LMNA: variants seen among roughly 807,000 people sequenced by gnomAD.
The protein encoded by LMNA is lamin.
LMNA carries 20 observed loss-of-function variants against 70.4 expected under a neutral mutation model. That is an observed-to-expected ratio of 0.28 (90% CI 0.20 to 0.41). LMNA has a LOEUF of 0.41. Ranked by LOEUF, LMNA falls within the 10% of genes least tolerant of loss-of-function variation. The pLI is 1.00. For missense variants in LMNA, 652 were observed against 917.2 expected, an observed-to-expected ratio of 0.71 and a Z score of 3.73; for synonymous variants, 339 against 372.8, an observed-to-expected ratio of 0.91 and a Z score of 1.04.
chr1:156,111,032 G>A (rs1649520279), upstream of LMNA, among the ~76,000 whole-genome samples: 1 of 152,138 alleles, frequency 6.6e-6, no homozygotes, highest in South Asian at 2.1e-4. Context: ...GGAGACAGAT[G>A]ACCAAGACTT....
At position 156,138,819 on chromosome 1, in the gene LMNA, G is replaced by C; in HGVS notation, c.1968+62G>C. Reference sequence around the variant, plus strand: ...CGGGTCCCTGGTCATCGAGGGGTAGGACGAGGTGGCCTTGCAGGGGGGAGA... The same window carrying C: ...CGGGTCCCTGGTCATCGAGGGGTAGCACGAGGTGGCCTTGCAGGGGGGAGA... On this transcript the variant is annotated intron_variant, in intron 11 of 11. Transcript: ENST00000368300. The surrounding 1 kb of genome is among the most constrained non-coding windows in gnomAD (Gnocchi z 5.5). 4 of 1,606,176 alleles carry C rather than the reference G, an allele frequency of 2.5e-6. No homozygotes were observed. The highest frequency in any genetic ancestry group is 3.4e-6 in the Non-Finnish European group (4 of 1,175,094).
rs1280862380 is a variant in LMNA, at chr1:156,114,837, G to A, written c.-82G>A. 9 of 977,860 alleles carry A rather than the reference G, an allele frequency of 9.2e-6. No homozygotes were observed. The Admixed American group carries it at 2.0e-4, about 22-fold the overall frequency. 60.6% of individuals were successfully genotyped at this position (977,860 alleles called of 1,614,324 possible). ...CAGCCGGCCGGCGCACTCCGACTCC[G>A]AGCAGTCTCTGTCCTTCGACCCGAG... On this transcript the variant is annotated 5_prime_UTR_variant, in exon 1 of 12. Transcript: ENST00000368300.
intron 3 of LMNA, among the ~76,000 whole-genome samples, chr1:156,094,823 G>A (rs1255652247): frequency 6.7e-6 from 1 of 149,854 alleles, no homozygotes; most frequent in Non-Finnish European, 1.5e-5. Context: ...GCAGTGGCAT[G>A]ATCTCGGCTC....
exon 2 of LMNA, chr1:156,082,962 C>A (rs1159430798): frequency 6.6e-6 from 1 of 151,892 alleles, no homozygotes; most frequent in Non-Finnish European, 1.5e-5. Flanking sequence ...GATCCCGGAG[C>A]CCGGCCGCGG....
chr1:156,088,646 T>C (rs1648574449), intron 2 of LMNA, among the ~76,000 whole-genome samples: 1 of 152,212 alleles, frequency 6.6e-6, no homozygotes, highest in Non-Finnish European at 1.5e-5. Context: ...AATTTATTTT[T>C]ATTTTATTTT....
chr1:156,139,007 T>C (rs1651900047), intron 11 of LMNA, 73 bp from the exon 12 acceptor site: 4 of 1,527,740 alleles, frequency 2.6e-6, no homozygotes, highest in Middle Eastern at 1.7e-4. Context: ...ACCTCCCTTC[T>C]AGGGGCCAGG....
In LMNA at chr1:156,138,965, A is replaced by G; in HGVS notation, c.1969-115A>G. 7.4e-7 allele frequency: 1 copy of G among 1,345,130 alleles called. No homozygotes were observed. Among genetic ancestry groups the G allele is most frequent in the Non-Finnish European group, 1.1e-6 (1 of 938,952 alleles). The allele number at this position is 1,345,130 out of a possible 1,614,324, so 83.3% of individuals were successfully genotyped here. On this transcript the variant is annotated intron_variant, in intron 11 of 11. Transcript: ENST00000368300. This position sits in a 1 kb window ranked among gnomAD's most constrained non-coding sequence, Gnocchi z 5.5. ...GAGCCCCAGACTGGAGGGCAGGGGC[A>G]GGGCTGGAGTGTGAGGGATGGGGGA...
At position 156,137,829 on chromosome 1, in the gene LMNA, C is replaced by T; in HGVS notation, c.1698+86C>T. 1 of 1,540,856 alleles carries T rather than the reference C, an allele frequency of 6.5e-7. No homozygotes were observed. The highest frequency in any genetic ancestry group is 8.7e-7 in the Non-Finnish European group (1 of 1,145,020). On this transcript the variant is annotated intron_variant, in intron 10 of 11. Transcript: ENST00000368300. The surrounding 1 kb of genome is among the most constrained non-coding windows in gnomAD (Gnocchi z 4.6). ...GCAGCCTCTCCCCAGCCTCCCCGTG[C>T]CAAAAATCTTTTCATTAAAGAATGT...
At chr1:156,112,767 A>G (rs1649587676), upstream of LMNA, among the ~76,000 whole-genome samples, 2 of 152,262 alleles carry the variant, frequency 1.3e-5, no homozygotes, top group Non-Finnish European at 2.9e-5. Flanking sequence ...TTCCTGCCTT[A>G]ATCCCACTCC....
chr1:156,086,531 G>A (rs1207160035), intron 2 of LMNA, among the ~76,000 whole-genome samples: 1 of 152,234 alleles, frequency 6.6e-6, no homozygotes, highest in African/African-American at 2.4e-5. Flanking sequence ...CTGCAGGGCA[G>A]GAAAGGTGAC....
At chr1:156,101,632 A>AAGGAAGGG (rs1296720384) in intron 3 of LMNA, among the ~76,000 whole-genome samples, 2 of 81,414 alleles carry the variant, frequency 2.5e-5, no homozygotes, top group Admixed American at 2.5e-4. Flanking sequence ...GGACGGAAGG[A>AAGGAAGGG]AGGAAGGGAG....
In LMNA at chr1:156,136,071, G is replaced by A. The variant is rs1651571553; in HGVS notation, c.1107G>A (p.Leu369=). Residue 369 remains leucine, a synonymous_variant, in exon 6 of 12, where the codon CTG becomes CTA. Coordinates refer to ENST00000368300, the MANE Select transcript of LMNA (RefSeq NM_170707.4). This position sits in a 1 kb window ranked among gnomAD's most constrained non-coding sequence, Gnocchi z 6.1. Reference sequence around the variant, plus strand: ...AGCTTCTGGACATCAAGCTGGCCCTGGACATGGAGATCCACGCCTACCGCA... The same window carrying A: ...AGCTTCTGGACATCAAGCTGGCCCTAGACATGGAGATCCACGCCTACCGCA... ...YQELLDIKLA[L]DMEIHAYRKL... is the part of the protein sequence containing the mutation. 6.2e-7 allele frequency: 1 copy of A among 1,614,010 alleles called. No homozygotes were observed. Among genetic ancestry groups the A allele is most frequent in the Non-Finnish European group, 8.5e-7 (1 of 1,180,058 alleles).
chr1:156,135,346 C>T lies in LMNA; in HGVS notation c.936+34C>T. 4 of 1,568,290 alleles carry T rather than the reference C, an allele frequency of 2.6e-6. No individual in the cohort carries two copies. The highest frequency in any genetic ancestry group is 2.4e-5 in the East Asian group (1 of 41,886). On this transcript the variant is annotated intron_variant, in intron 5 of 11. Transcript: ENST00000368300. This position sits in a 1 kb window ranked among gnomAD's most constrained non-coding sequence, Gnocchi z 4.8. ...CCACCTCACCCCTCTCTCCAGGGGC[C>T]TAGAGTCTGGGCCGGATGCAGGCTG...
chr1:156,122,603 C>T (rs774808911), intron 1 of LMNA, among the ~76,000 whole-genome samples: 1 of 152,178 alleles, frequency 6.6e-6, no homozygotes, highest in Non-Finnish European at 1.5e-5. Context: ...AACTCGTTTT[C>T]GATGCCTCTC....
At chr1:156,126,950 G>A in intron 1 of LMNA, 1 of 1,537,890 alleles carries the variant, frequency 6.5e-7, no homozygotes, top group Non-Finnish European at 8.8e-7. Flanking sequence ...CCCTGCCCGG[G>A]TATTGTGTGC....
Position 156,134,419 on chromosome 1 carries a change from G to T in LMNA, c.530G>T (p.Gly177Val). ...GQVAKLEAAL[G>V]EAKKQLQDEM... Reference sequence around the variant, plus strand: ...TCCTCACAGCTTGAGGCAGCCCTAGGTGAGGCCAAGAAGCAACTTCAGGAT... The same window carrying T: ...TCCTCACAGCTTGAGGCAGCCCTAGTTGAGGCCAAGAAGCAACTTCAGGAT... Residue 177 changes from glycine (G) to valine (V), a missense_variant, in exon 3 of 12, where the codon GGT becomes GTT. Gly to Val is a moderately radical substitution (Grantham distance 109, BLOSUM62 -3). Around this residue, in one of 4 missense-constraint regions of LMNA, gnomAD observed 254 missense variants for 421.9 expected, o/e 0.60. Coordinates refer to ENST00000368300, the MANE Select transcript of LMNA (RefSeq NM_170707.4). This position sits in a 1 kb window ranked among gnomAD's most constrained non-coding sequence, Gnocchi z 5.3. 1 of 1,614,100 alleles carries T rather than the reference G, an allele frequency of 6.2e-7. No individual in the cohort carries two copies. The highest frequency in any genetic ancestry group is 1.3e-5 in the African/African-American group (1 of 75,038).
chr1:156,137,733 A>G lies in LMNA; in HGVS notation c.1688A>G (p.His563Arg), dbSNP rs1651792356. 1 of 1,551,010 alleles carries G rather than the reference A, an allele frequency of 6.4e-7. No individual in the cohort carries two copies. Among genetic ancestry groups the G allele is most frequent in the East Asian group, 2.4e-5 (1 of 41,226 alleles). ...GATGAGGATGGAGATGACCTGCTCC[A>G]TCACCACCACGTGAGTGGTAGCCGC... ...DEDEDGDDLL[H>R]HHHGSHCSSS... is the part of the protein sequence containing the mutation. Residue 563 changes from histidine to arginine, a missense_variant, in exon 10 of 12, where the codon CAT becomes CGT. Coordinates refer to ENST00000368300, the MANE Select transcript of LMNA (RefSeq NM_170707.4). The surrounding 1 kb of genome is among the most constrained non-coding windows in gnomAD (Gnocchi z 4.6).
chr1:156,138,606 A>G lies in LMNA; in HGVS notation c.1817A>G (p.Gln606Arg), dbSNP rs1651866656. 1.2e-6 allele frequency: 2 copies of G among 1,613,034 alleles called. No homozygotes were observed. Among genetic ancestry groups the G allele is most frequent in the South Asian group, 1.1e-5 (1 of 90,974 alleles). The change falls in exon 11 of 12, where the codon CAG becomes CGG. Residue 606 changes from glutamine to arginine, a missense_variant. Coordinates refer to ENST00000368300, the MANE Select transcript of LMNA (RefSeq NM_170707.4). This position sits in a 1 kb window ranked among gnomAD's most constrained non-coding sequence, Gnocchi z 5.5. ...GCATCTGCCAGCGGCTCAGGAGCCC[A>G]GGTGGGCGGACCCATCTCCTCTGGC... is the stretch of plus-strand genomic sequence containing the variant. ...DKASASGSGA[Q>R]VGGPISSGSS...
chr1:156,136,863 T>C lies in LMNA; in HGVS notation c.1381-58T>C. 1 of 1,439,772 alleles carries C rather than the reference T, an allele frequency of 6.9e-7. No individual in the cohort carries two copies. The highest frequency in any genetic ancestry group is 9.6e-7 in the Non-Finnish European group (1 of 1,038,970). 89.2% of individuals were successfully genotyped at this position (1,439,772 alleles called of 1,614,324 possible). ...CAGAGGGCTGGGCCTTTGAGCAAGA[T>C]ACACCCAAGAGCCTGGGTGAGCCTC... On this transcript the variant is annotated intron_variant, in intron 7 of 11. Coordinates refer to ENST00000368300, the MANE Select transcript of LMNA (RefSeq NM_170707.4). The surrounding 1 kb of genome is among the most constrained non-coding windows in gnomAD (Gnocchi z 6.1).
Sources: allele counts gnomAD v4.1 joint callset (sites outside exome capture counted in the v4.1 genomes callset), GRCh38; gene constraint gnomAD v4.1.1; regional missense constraint gnomAD v4.1.1; non-coding constraint Gnocchi (gnomAD v3.1); transcripts MANE v1.5; gene names NCBI Gene and HGNC (gene_info 2026-07-23, HGNC 2026-07-21).